WDR27: variants seen among roughly 807,000 people sequenced by gnomAD.
WDR27 encodes WD repeat-containing protein 27.
Under a neutral mutation model 114.4 loss-of-function variants are expected in WDR27, and 100 were observed. That is an observed-to-expected ratio of 0.87 (90% CI 0.74 to 1.03). The LOEUF is 1.03. Among genes scored for constraint, WDR27 ranks in the 50% least tolerant of loss-of-function variants. WDR27 has a pLI of 0.00. For synonymous variants in WDR27, 449 were observed against 423.1 expected (o/e 1.06, Z -0.75); for missense variants, 1,129 against 1,092.9 (o/e 1.03, Z -0.47).
At chr6:169,435,258 C>G in the WDR27 span, among the ~76,000 whole-genome samples, 1 of 152,214 alleles carries the variant, frequency 6.6e-6, no homozygotes, top group Non-Finnish European at 1.5e-5. Context: ...GGTGGGAGCC[C>G]CACGGAGAAC....
chr6:169,624,363 C>T (rs963414088), intron 21 of WDR27, among the ~76,000 whole-genome samples: 7 of 152,158 alleles, frequency 4.6e-5, no homozygotes, highest in Non-Finnish European at 1.0e-4. Flanking sequence ...AGAACACCCA[C>T]GAGAACCTTC....
intron 25 of WDR27, among the ~76,000 whole-genome samples, chr6:169,563,286 T>G (rs575290560): frequency 1.1e-4 from 17 of 152,056 alleles, no homozygotes; most frequent in African/African-American, 3.9e-4. Flanking sequence ...ACAGAAGAAA[T>G]GGAGTCGGTG....
At chr6:169,647,355 C>T (rs1450045253) in intron 16 of WDR27, among the ~76,000 whole-genome samples, 1 of 152,242 alleles carries the variant, frequency 6.6e-6, no homozygotes, top group Non-Finnish European at 1.5e-5. Context: ...CATCCCCAGC[C>T]TGGCGCCTCC....
chr6:169,673,187 C>T (rs181133316), intron 2 of WDR27, among the ~76,000 whole-genome samples: 21 of 152,008 alleles, frequency 1.4e-4, no homozygotes, highest in Non-Finnish European at 2.1e-4. Context: ...AAAACCTAGG[C>T]GAACAATGTC....
intron 25 of WDR27, among the ~76,000 whole-genome samples, chr6:169,557,373 G>A (rs1799053713): frequency 6.6e-6 from 1 of 152,236 alleles, no homozygotes; most frequent in Admixed American, 6.5e-5. Flanking sequence ...ACCTTGGAGA[G>A]TGGAAATGAG....
At chr6:169,675,538 G>C (rs1779864779) in intron 2 of WDR27, among the ~76,000 whole-genome samples, 1 of 152,084 alleles carries the variant, frequency 6.6e-6, no homozygotes. Context: ...AGGTGGTTGG[G>C]GTACAGCTTG....
downstream of WDR27, among the ~76,000 whole-genome samples, chr6:169,455,594 T>C (rs548855264): frequency 1.3e-5 from 2 of 152,320 alleles, no homozygotes; most frequent in South Asian, 4.2e-4. Flanking sequence ...CTCTGAGTGG[T>C]GTGGGGAGCA....
intron 9 of WDR27, 44 bp from the exon 10 acceptor site, chr6:169,660,810 C>T (rs1373462817): frequency 3.2e-6 from 5 of 1,577,840 alleles, no homozygotes; most frequent in Non-Finnish European, 3.5e-6. Flanking sequence ...TAATCTTATT[C>T]CTGAAGGTTG....
At chr6:169,452,494 TGG>T (rs1341831230), downstream of WDR27, among the ~76,000 whole-genome samples, 8 of 17,200 alleles carry the variant, frequency 4.7e-4, no homozygotes, top group Non-Finnish European at 1.0e-3. Context: ...GCCCCGGACG[TGG>T]GGTCAGAGAG....
At chr6:169,428,912 G>A in the WDR27 span, among the ~76,000 whole-genome samples, 1 of 152,316 alleles carries the variant, frequency 6.6e-6, no homozygotes, top group East Asian at 1.9e-4. Flanking sequence ...TGCCTGGCTT[G>A]TAAGGTGCTC....
intron 25 of WDR27, among the ~76,000 whole-genome samples, chr6:169,469,191 C>T (rs1305165688): frequency 6.6e-6 from 1 of 152,164 alleles, no homozygotes; most frequent in African/African-American, 2.4e-5. Flanking sequence ...CAAACAGACA[C>T]AAAAGTCTTA....
Position 169,551,532 on chromosome 6 carries a change from C to T in WDR27, c.2645+20887G>A, listed in dbSNP as rs546956840. Among the ~76,000 whole-genome samples the T allele has an allele frequency of 3.4e-4, 52 of 152,012 alleles. 1 individual carries two copies. The highest frequency in any genetic ancestry group is 2.1e-3 in the East Asian group (11 of 5,156). ...GATGGATTACCTGAGGTCACGAGTT[C>T]GAGACCAGCCTGGCCAACATGGTGA... On this transcript the variant is annotated intron_variant, in intron 25 of 25. Transcript: ENST00000448612.
rs146974460 is a variant in WDR27 at position 169,667,972 on chromosome 6, C to CA, written c.660+9dup. 5.3e-4 allele frequency: 860 copies of CA among 1,609,588 alleles called. 1 individual carries two copies. In the African/African-American group the frequency reaches 6.6e-3, roughly 12 times the overall value. ...CCACGCGGGAACGCCATCCAGCGTC[C>CA]ATCCCTCACCTTAAAGCCTCTGTCC... On this transcript the variant is annotated intron_variant, in intron 5 of 25. Coordinates refer to ENST00000448612, the MANE Select transcript of WDR27 (RefSeq NM_182552.5).
intron 21 of WDR27, among the ~76,000 whole-genome samples, chr6:169,632,181 C>T (rs1816573398): frequency 7.3e-6 from 1 of 136,956 alleles, no homozygotes. Context: ...GAGCGAGAGA[C>T]TCTGTCTCAA....
intron 2 of WDR27, among the ~76,000 whole-genome samples, chr6:169,676,841 T>C (rs1216231039): frequency 6.6e-6 from 1 of 152,228 alleles, no homozygotes; most frequent in Non-Finnish European, 1.5e-5. Flanking sequence ...CATGTATTGA[T>C]TGATGTCTTA....
chr6:169,429,054 A>ATGATGGAT, the WDR27 span, among the ~76,000 whole-genome samples: 1 of 152,158 alleles, frequency 6.6e-6, no homozygotes, highest in Non-Finnish European at 1.5e-5. Context: ...GTCCCAAGAA[A>ATGATGGAT]TGATGGATCT....
intron 25 of WDR27, among the ~76,000 whole-genome samples, chr6:169,567,087 AG>A (rs1476990145): frequency 6.6e-6 from 1 of 152,158 alleles, no homozygotes; most frequent in Non-Finnish European, 1.5e-5. Flanking sequence ...CAGCAGCCCG[AG>A]CCAGGTGGGG....
chr6:169,449,519 T>C, the WDR27 span, among the ~76,000 whole-genome samples: 1 of 152,150 alleles, frequency 6.6e-6, no homozygotes, highest in Non-Finnish European at 1.5e-5. Context: ...GGCCTTAGCA[T>C]GCTGACTCTG....
At chr6:169,544,947 G>A (rs1797270490) in intron 25 of WDR27, among the ~76,000 whole-genome samples, 1 of 152,086 alleles carries the variant, frequency 6.6e-6, no homozygotes, top group Non-Finnish European at 1.5e-5. Flanking sequence ...TCCATGTACT[G>A]GAAGACTCAA....
Sources: gnomAD v4.1 joint callset for allele counts (sites outside exome capture counted in the v4.1 genomes callset) on GRCh38, gnomAD v4.1.1 for gene constraint, MANE v1.5 for transcripts, NCBI Gene and HGNC (gene_info 2026-07-23, HGNC 2026-07-21) for gene names.